The following RGS6 variants were observed in gnomAD, a reference collection of about 807,000 sequenced individuals.
The protein encoded by RGS6 is regulator of G protein signaling 6.
A neutral mutation model predicts 78.5 loss-of-function variants in RGS6; 30 were observed. That is an observed-to-expected ratio of 0.38 (90% confidence interval 0.29 to 0.52). The LOEUF is 0.52. RGS6 is among the 20% of genes least tolerant of loss of function. The probability of loss-of-function intolerance (pLI) is 0.85; values close to 1 mark genes in which losing one functional copy is unlikely to be tolerated. For missense variants in RGS6, 495 were observed against 609.7 expected (o/e 0.81, Z 1.98); for synonymous variants, 206 against 206.0 (o/e 1.00, Z 0.00).
At chr14:72,445,597 A>G (rs1381978112) in intron 3 of RGS6, among the ~76,000 whole-genome samples, 4 of 152,152 alleles carry the variant, frequency 2.6e-5, no homozygotes, top group Non-Finnish European at 5.9e-5. Context: ...GATGTTTTCA[A>G]GGGCCACAAA....
At chr14:72,615,282 T>C in the RGS6 span, among the ~76,000 whole-genome samples, 1 of 152,156 alleles carries the variant, frequency 6.6e-6, no homozygotes, top group African/African-American at 2.4e-5. Context: ...GAGGAGACTA[T>C]AAGCCCCTCT....
At chr14:72,187,421 T>A (rs1042957024) in intron 2 of RGS6, among the ~76,000 whole-genome samples, 2 of 152,200 alleles carry the variant, frequency 1.3e-5, no homozygotes, top group Non-Finnish European at 2.9e-5. Context: ...AGTTGTTGGT[T>A]GTTAGCTCTG....
chr14:72,518,240 C>G, intron 14 of RGS6, 111 bp from the exon 15 acceptor site: 2 of 1,002,894 alleles, frequency 2.0e-6, no homozygotes, highest in Non-Finnish European at 3.0e-6. Flanking sequence ...TCAGGGCAGG[C>G]TGAGAGATGC....
intron 2 of RGS6, among the ~76,000 whole-genome samples, chr14:72,276,165 C>G (rs1198680692): frequency 2.6e-5 from 4 of 152,106 alleles, no homozygotes; most frequent in Non-Finnish European, 5.9e-5. Context: ...TCACTTTTTG[C>G]ACAAAAGTTG....
intron 3 of RGS6, among the ~76,000 whole-genome samples, chr14:72,377,667 A>G (rs980817397): frequency 6.6e-6 from 1 of 152,108 alleles, no homozygotes; most frequent in African/African-American, 2.4e-5. Context: ...AACAAATCTC[A>G]AAAAGCTTTT....
At chr14:72,285,170 G>A (rs2062297443) in intron 2 of RGS6, among the ~76,000 whole-genome samples, 2 of 152,168 alleles carry the variant, frequency 1.3e-5, no homozygotes, top group Non-Finnish European at 2.9e-5. Flanking sequence ...TTAAGACTTT[G>A]GGGGACTATA....
At chr14:72,161,274 T>C (rs2096849005) in intron 2 of RGS6, among the ~76,000 whole-genome samples, 1 of 151,940 alleles carries the variant, frequency 6.6e-6, no homozygotes, top group African/African-American at 2.4e-5. Context: ...TTAGAAGAAA[T>C]ACCTAATGTA....
At chr14:72,456,534 ATTC>A (rs1473872474) in intron 4 of RGS6, among the ~76,000 whole-genome samples, 1 of 152,100 alleles carries the variant, frequency 6.6e-6, no homozygotes, top group Non-Finnish European at 1.5e-5. Context: ...ACCTCAAACA[ATTC>A]TTCTGCTTTG....
intron 2 of RGS6, among the ~76,000 whole-genome samples, chr14:71,974,624 AG>A (rs1187344576): frequency 6.6e-5 from 10 of 152,218 alleles, no homozygotes; most frequent in Admixed American, 4.6e-4. Context: ...GGGTATGGTT[AG>A]GGAGAATATT....
At chr14:71,905,555 A>G in the RGS6 span, among the ~76,000 whole-genome samples, 5 of 152,206 alleles carry the variant, frequency 3.3e-5, no homozygotes, top group East Asian at 3.9e-4. Context: ...CAGTGGCGCA[A>G]TCTGGGCTCA....
intron 9 of RGS6, 24 bp from the exon 10 acceptor site, chr14:72,474,601 T>C: frequency 1.9e-6 from 3 of 1,593,672 alleles, no homozygotes; most frequent in South Asian, 2.3e-5. Context: ...TAGTAATTTA[T>C]ATGATGTGTT....
the RGS6 span, among the ~76,000 whole-genome samples, chr14:71,906,731 A>T: frequency 9.8e-6 from 1 of 101,910 alleles, no homozygotes; most frequent in South Asian, 3.4e-4. Flanking sequence ...AGAAATTGAG[A>T]AGCAATATGG....
At chr14:71,912,830 T>TA in the RGS6 span, among the ~76,000 whole-genome samples, 1,053 of 152,190 alleles carry the variant, frequency 6.9e-3, 19 homozygotes, top group African/African-American at 0.024. Context: ...TTTTTATTTT[T>TA]TTTTTATTTT....
rs537072894 is a variant in RGS6 at position 72,374,108 on chromosome 14, A to G, written c.184+21914A>G. ...CTACATTTATTTCTTTTTTTAAAATACTTTAAGTTCTAGGGTACATGTGCA... is the reference window on the plus strand; with the variant it reads ...CTACATTTATTTCTTTTTTTAAAATGCTTTAAGTTCTAGGGTACATGTGCA... On this transcript the variant is annotated intron_variant, in intron 3 of 17. Transcript: ENST00000553525. Among the ~76,000 whole-genome samples the G allele has an allele frequency of 3.9e-4, 60 of 152,298 alleles. 1 individual carries two copies. In the South Asian group the frequency reaches 0.012, roughly 31 times the overall value.
chr14:72,301,470 A>G (rs1334022252), intron 2 of RGS6, among the ~76,000 whole-genome samples: 1 of 151,902 alleles, frequency 6.6e-6, no homozygotes, highest in East Asian at 1.9e-4. Flanking sequence ...CTCAATGTGG[A>G]GAAGCTAAAA....
At chr14:71,869,638 A>G in the RGS6 span, among the ~76,000 whole-genome samples, 11 of 152,344 alleles carry the variant, frequency 7.2e-5, 1 homozygote, top group Middle Eastern at 6.8e-3. Flanking sequence ...CATTATAGCT[A>G]TAGAATTTCT....
At chr14:72,265,627 G>C (rs1214978593) in intron 2 of RGS6, among the ~76,000 whole-genome samples, 1 of 152,106 alleles carries the variant, frequency 6.6e-6, no homozygotes, top group Non-Finnish European at 1.5e-5. Flanking sequence ...CTACCCAATG[G>C]CCACAAGGCA....
rs529665108 is a variant in RGS6, at chr14:72,324,713, C to T, written c.85-27382C>T. 2.6e-5 allele frequency among the ~76,000 whole-genome samples: 4 copies of T among 152,154 alleles called. No homozygotes were observed. The East Asian group carries it at 7.7e-4, about 29-fold the overall frequency. On this transcript the variant is annotated intron_variant, in intron 2 of 17. Transcript: ENST00000553525. ...TCCTTTTTTATGGCTGCATAGTATT[C>T]CATGGTGTATATGTGCCACATTTTC...
intron 2 of RGS6, among the ~76,000 whole-genome samples, chr14:72,319,445 G>C (rs72721902): frequency 0.12 from 18,925 of 151,862 alleles, 1,172 homozygotes; most frequent in East Asian, 0.17. Context: ...CACCTCCCGG[G>C]TTCACGCCAT....
Sources: allele counts gnomAD v4.1 joint callset (sites outside exome capture counted in the v4.1 genomes callset), GRCh38; gene constraint gnomAD v4.1.1; transcripts MANE v1.5; gene names NCBI Gene and HGNC (gene_info 2026-07-23, HGNC 2026-07-21).